NAALADL2: variants seen among roughly 807,000 people sequenced by gnomAD.
NAALADL2 encodes N-acetylated alpha-linked acidic dipeptidase like 2.
Under a neutral mutation model 87.2 loss-of-function variants are expected in NAALADL2, and 76 were observed. The observed-to-expected ratio is 0.87, with a 90% confidence interval of 0.72 to 1.05. The LOEUF (loss-of-function observed/expected upper bound fraction) is 1.05. Among genes scored for constraint, NAALADL2 ranks in the 50% least tolerant of loss-of-function variants. NAALADL2 has a pLI of 0.00. For missense variants in NAALADL2, 1,089 were observed against 945.8 expected, an observed-to-expected ratio of 1.15 and a Z score of -1.99; for synonymous variants, 354 against 331.0, an observed-to-expected ratio of 1.07 and a Z score of -0.75.
At chr3:175,064,296 C>G (rs1714136297) in intron 1 of NAALADL2, among the ~76,000 whole-genome samples, 1 of 150,862 alleles carries the variant, frequency 6.6e-6, no homozygotes, top group Non-Finnish European at 1.5e-5. Flanking sequence ...ACAACAGGTT[C>G]AAACAATGTA....
At chr3:175,787,743 A>G (rs547793751) in intron 13 of NAALADL2, among the ~76,000 whole-genome samples, 4 of 152,216 alleles carry the variant, frequency 2.6e-5, no homozygotes, top group East Asian at 1.9e-4. Context: ...TCCCCACAAC[A>G]TAACGCTTTT....
intron 2 of NAALADL2, among the ~76,000 whole-genome samples, chr3:174,706,092 A>C (rs57898415): frequency 6.6e-6 from 1 of 152,248 alleles, no homozygotes; most frequent in Admixed American, 6.5e-5. Flanking sequence ...AATAATTTGT[A>C]TTAGTAAAAG....
intron 11 of NAALADL2, among the ~76,000 whole-genome samples, chr3:175,667,245 G>GAAAGAA (rs1733294758): frequency 2.0e-4 from 24 of 122,476 alleles, no homozygotes; most frequent in East Asian, 1.9e-3. Context: ...GAAAGAAAAA[G>GAAAGAA]AAAGAAAGAA....
intron 9 of NAALADL2, among the ~76,000 whole-genome samples, chr3:175,543,419 C>T (rs945914928): frequency 2.6e-5 from 4 of 151,966 alleles, no homozygotes; most frequent in African/African-American, 7.2e-5. Flanking sequence ...GACAATGTAC[C>T]AGGTGTATTA....
At chr3:174,951,778 G>A (rs1740399070) in intron 1 of NAALADL2, among the ~76,000 whole-genome samples, 1 of 151,984 alleles carries the variant, frequency 6.6e-6, no homozygotes, top group South Asian at 2.1e-4. Context: ...CTGGTTAAAT[G>A]TTATTTTTCT....
intron 2 of NAALADL2, among the ~76,000 whole-genome samples, chr3:174,694,673 C>T (rs1228649507): frequency 1.3e-5 from 2 of 151,994 alleles, no homozygotes; most frequent in Non-Finnish European, 2.9e-5. Context: ...AAGTAGACTT[C>T]TTTGAGCAAA....
chr3:175,598,024 T>A (rs913381948), intron 10 of NAALADL2, among the ~76,000 whole-genome samples: 3 of 152,040 alleles, frequency 2.0e-5, no homozygotes, highest in African/African-American at 7.2e-5. Context: ...TATAGATGTA[T>A]GTATACGTTG....
intron 3 of NAALADL2, among the ~76,000 whole-genome samples, chr3:175,239,859 T>C (rs1469481953): frequency 1.3e-5 from 2 of 152,140 alleles, no homozygotes; most frequent in Non-Finnish European, 2.9e-5. Context: ...TTAACGTTTT[T>C]TGTGGGGAAG....
intron 2 of NAALADL2, among the ~76,000 whole-genome samples, chr3:174,579,303 A>G (rs545982370): frequency 2.0e-5 from 3 of 152,160 alleles, no homozygotes; most frequent in Admixed American, 2.0e-4. Context: ...AAATGGAACC[A>G]ACAGAGATAT....
At chr3:174,917,488 A>G (rs1292531069) in intron 1 of NAALADL2, among the ~76,000 whole-genome samples, 1 of 152,122 alleles carries the variant, frequency 6.6e-6, no homozygotes, top group Admixed American at 6.6e-5. Flanking sequence ...TTGTAGTAAC[A>G]TGTGGTCCAG....
intron 7 of NAALADL2, among the ~76,000 whole-genome samples, chr3:175,464,114 G>A (rs1414788531): frequency 6.6e-6 from 1 of 152,130 alleles, no homozygotes; most frequent in Non-Finnish European, 1.5e-5. Context: ...GGGATTAAAG[G>A]GGTGAGCCAG....
chr3:175,778,266 A>C (rs1750534871), intron 13 of NAALADL2, among the ~76,000 whole-genome samples: 1 of 152,200 alleles, frequency 6.6e-6, no homozygotes, highest in Non-Finnish European at 1.5e-5. Context: ...TACAGAAAAA[A>C]AGTAGCACTA....
chr3:174,695,493 A>C (rs1454198147), intron 2 of NAALADL2, among the ~76,000 whole-genome samples: 1 of 151,956 alleles, frequency 6.6e-6, no homozygotes, highest in Non-Finnish European at 1.5e-5. Flanking sequence ...TATGACACAA[A>C]ACACTAATTT....
chr3:175,255,021 G>A (rs1461249), intron 3 of NAALADL2, among the ~76,000 whole-genome samples: 25,670 of 152,048 alleles, frequency 0.17, 2,477 homozygotes, highest in East Asian at 0.34. Flanking sequence ...GTATGTAATG[G>A]GCTCTTCACC....
chr3:175,207,130 T>C (rs1306425474), intron 2 of NAALADL2, among the ~76,000 whole-genome samples: 1 of 152,100 alleles, frequency 6.6e-6, no homozygotes, highest in Non-Finnish European at 1.5e-5. Flanking sequence ...ATAGAGTGTA[T>C]AGAACTAAAG....
chr3:175,282,908 C>T (rs1754487650), intron 4 of NAALADL2, among the ~76,000 whole-genome samples: 1 of 142,284 alleles, frequency 7.0e-6, no homozygotes, highest in Admixed American at 6.8e-5. Context: ...ACCTTTCTGT[C>T]TTCTTTTTTT....
intron 11 of NAALADL2, among the ~76,000 whole-genome samples, chr3:175,639,254 TTCATACTGGCTTATC>T (rs367947486): frequency 6.6e-5 from 10 of 152,012 alleles, no homozygotes; most frequent in Non-Finnish European, 1.2e-4. Flanking sequence ...ACTTCACTTG[TTCATACTGGCTTATC>T]TACTGAACTA....
At chr3:175,402,123 G>T (rs778871294) in intron 5 of NAALADL2, among the ~76,000 whole-genome samples, 1 of 151,884 alleles carries the variant, frequency 6.6e-6, no homozygotes, top group Non-Finnish European at 1.5e-5. Context: ...AATTTTTCAG[G>T]TACAATTAAT....
Position 175,294,115 on chromosome 3 carries a change from G to A in NAALADL2, c.940-30060G>A, listed in dbSNP as rs940717912. On this transcript the variant is annotated intron_variant, in intron 4 of 13. Coordinates refer to ENST00000454872, the MANE Select transcript of NAALADL2 (RefSeq NM_207015.3). ...TAAAATTCTAACCAGGGAATTTGAC[G>A]AGGATTCTGCAGAAGTTCTCTGAAA... 1.6e-4 allele frequency among the ~76,000 whole-genome samples: 24 copies of A among 152,164 alleles called. 1 individual carries two copies. The highest frequency in any genetic ancestry group is 5.3e-4 in the African/African-American group (22 of 41,432).
Sources: allele counts gnomAD v4.1 joint callset (sites outside exome capture counted in the v4.1 genomes callset), GRCh38; gene constraint gnomAD v4.1.1; transcripts MANE v1.5; gene names NCBI Gene and HGNC (gene_info 2026-07-23, HGNC 2026-07-21).